The following NRXN3 variants were observed in gnomAD, a reference collection of about 807,000 sequenced individuals.
The protein encoded by NRXN3 is neurexin III.
In NRXN3, 32 loss-of-function variants were observed where a neutral mutation model predicts 137.6. That is an observed-to-expected ratio of 0.23 (90% CI 0.18 to 0.31). The LOEUF is 0.31. Ranked by LOEUF, NRXN3 falls within the 10% of genes least tolerant of loss-of-function variation. The pLI is 1.00. For missense variants in NRXN3, 1,574 were observed against 2,062.5 expected (o/e 0.76, Z 4.59); for synonymous variants, 798 against 784.5 (o/e 1.02, Z -0.29).
intron 4 of NRXN3, among the ~76,000 whole-genome samples, chr14:78,640,218 A>G (rs1303253789): frequency 6.6e-6 from 1 of 152,202 alleles, no homozygotes; most frequent in East Asian, 1.9e-4. Flanking sequence ...CACTATATCC[A>G]GGAACTATAT....
At chr14:79,808,732 G>A (rs144259532) in intron 20 of NRXN3, among the ~76,000 whole-genome samples, 43 of 152,036 alleles carry the variant, frequency 2.8e-4, no homozygotes, top group Middle Eastern at 3.4e-3. Flanking sequence ...CATAAATTTG[G>A]GTAGTTTAGT....
chr14:78,502,425 A>G (rs910749577), intron 4 of NRXN3, among the ~76,000 whole-genome samples: 4 of 152,178 alleles, frequency 2.6e-5, no homozygotes, highest in African/African-American at 9.6e-5. Flanking sequence ...ACTTATCTTC[A>G]GGCTGGCTGC....
At chr14:78,702,532 C>T (rs7158538) in intron 6 of NRXN3, among the ~76,000 whole-genome samples, 51,202 of 147,654 alleles carry the variant, frequency 0.35, 11,118 homozygotes, top group African/African-American at 0.63. Context: ...GCAACCTCCA[C>T]CTCCGGAGTT....
intron 15 of NRXN3, among the ~76,000 whole-genome samples, chr14:79,052,494 A>G (rs1568122920): frequency 6.6e-6 from 1 of 152,162 alleles, no homozygotes; most frequent in Non-Finnish European, 1.5e-5. Context: ...GAGCAGTGGG[A>G]TACATCCTGC....
Position 79,709,140 on chromosome 14 carries a change from C to G in NRXN3, c.4014+11203C>G, listed in dbSNP as rs117618941. On this transcript the variant is annotated intron_variant, in intron 19 of 20. Coordinates refer to ENST00000335750, the MANE Select transcript of NRXN3 (RefSeq NM_001330195.2). ...GCACGTCCGGGGTGGTATCTCAGAT[C>G]GTGCACTTCTAACAAGCTCCCAGAT... Among the ~76,000 whole-genome samples, 854 of 152,244 alleles carry G rather than the reference C, an allele frequency of 5.6e-3. 8 individuals carry two copies. The highest frequency in any genetic ancestry group is 8.1e-3 in the Non-Finnish European group (552 of 68,020).
intron 4 of NRXN3, among the ~76,000 whole-genome samples, chr14:78,367,778 C>A (rs2086202395): frequency 6.6e-6 from 1 of 152,182 alleles, no homozygotes; most frequent in Non-Finnish European, 1.5e-5. Flanking sequence ...ATTTAGATTT[C>A]CCCTATCTGA....
chr14:78,493,269 C>G (rs2095703329), intron 4 of NRXN3, among the ~76,000 whole-genome samples: 1 of 151,794 alleles, frequency 6.6e-6, no homozygotes, highest in Admixed American at 6.6e-5. Flanking sequence ...TGCCTGTAAT[C>G]CCAGCACTTT....
chr14:79,243,573 T>C (rs2074654579), intron 15 of NRXN3, among the ~76,000 whole-genome samples: 1 of 152,128 alleles, frequency 6.6e-6, no homozygotes, highest in Non-Finnish European at 1.5e-5. Context: ...AATGTGTCCT[T>C]AAGTGATTTT....
chr14:78,421,804 A>G (rs2093458590), intron 4 of NRXN3, among the ~76,000 whole-genome samples: 1 of 152,164 alleles, frequency 6.6e-6, no homozygotes, highest in South Asian at 2.1e-4. Context: ...GATTACAGGC[A>G]CGAGCCACCA....
At chr14:78,228,742 CTCTAG>C (rs2065004421) in intron 1 of NRXN3, among the ~76,000 whole-genome samples, 1 of 152,180 alleles carries the variant, frequency 6.6e-6, no homozygotes, top group African/African-American at 2.4e-5. Flanking sequence ...TTTTATCTGA[CTCTAG>C]TCTAGCTCTT....
At chr14:79,314,925 C>T (rs149460936) in intron 15 of NRXN3, among the ~76,000 whole-genome samples, 1 of 152,226 alleles carries the variant, frequency 6.6e-6, no homozygotes, top group Non-Finnish European at 1.5e-5. Context: ...ACATCACCAT[C>T]ATCAAAGACC....
At chr14:78,349,290 T>TA (rs1243680118) in intron 4 of NRXN3, among the ~76,000 whole-genome samples, 3 of 152,326 alleles carry the variant, frequency 2.0e-5, no homozygotes, top group Non-Finnish European at 2.9e-5. Context: ...CGGCCAATGT[T>TA]ACCCCTTTTT....
chr14:78,937,190 A>T (rs1279450420), intron 10 of NRXN3, among the ~76,000 whole-genome samples: 2 of 151,392 alleles, frequency 1.3e-5, no homozygotes, highest in Non-Finnish European at 3.0e-5. Flanking sequence ...CCATTGAAAA[A>T]AAAAAAAAAA....
chr14:79,266,944 A>C (rs560053345), intron 15 of NRXN3, among the ~76,000 whole-genome samples: 29 of 152,358 alleles, frequency 1.9e-4, no homozygotes, highest in African/African-American at 6.5e-4. Context: ...AAATTGCTCA[A>C]GCACCATGTA....
chr14:79,005,673 A>T (rs1342916513), intron 15 of NRXN3, among the ~76,000 whole-genome samples: 1 of 152,062 alleles, frequency 6.6e-6, no homozygotes. Flanking sequence ...AACTTTATTG[A>T]TTTGGGCTTA....
chr14:79,507,019 G>C (rs1475608730), intron 16 of NRXN3, among the ~76,000 whole-genome samples: 1 of 152,128 alleles, frequency 6.6e-6, no homozygotes, highest in African/African-American at 2.4e-5. Flanking sequence ...AGATATTAAA[G>C]GTTCAGGGCA....
At chr14:79,753,545 G>A (rs949527400) in intron 19 of NRXN3, among the ~76,000 whole-genome samples, 4 of 116,664 alleles carry the variant, frequency 3.4e-5, no homozygotes, top group African/African-American at 1.3e-4. Flanking sequence ...ACAGGAAGGG[G>A]AACATCACAC....
chr14:79,560,455 A>T (rs1250377699), intron 16 of NRXN3, among the ~76,000 whole-genome samples: 1 of 147,706 alleles, frequency 6.8e-6, no homozygotes, highest in East Asian at 2.0e-4. Flanking sequence ...AGCCATTTTG[A>T]CACCTGGACA....
chr14:78,862,706 A>G (rs1272254826), intron 10 of NRXN3, among the ~76,000 whole-genome samples: 1 of 152,182 alleles, frequency 6.6e-6, no homozygotes, highest in Admixed American at 6.6e-5. Flanking sequence ...TACAAAAATA[A>G]ATAAGACCAC....
Sources: gnomAD v4.1 joint callset for allele counts (sites outside exome capture counted in the v4.1 genomes callset) on GRCh38, gnomAD v4.1.1 for gene constraint, MANE v1.5 for transcripts, NCBI Gene and HGNC (gene_info 2026-07-23, HGNC 2026-07-21) for gene names.